TROAP: variants seen among roughly 807,000 people sequenced by gnomAD.
The protein encoded by TROAP is tastin.
TROAP carries 62 observed loss-of-function variants against 83.4 expected under a neutral mutation model. The observed-to-expected ratio is 0.74, with a 90% confidence interval of 0.61 to 0.92. The LOEUF (loss-of-function observed/expected upper bound fraction) is 0.92, where lower values mean the gene tolerates loss of function less well. TROAP is among the 40% of genes least tolerant of loss of function. The pLI is 0.00. For missense variants in TROAP, 876 were observed against 985.1 expected (o/e 0.89, Z 1.48); for synonymous variants, 352 against 386.4 (o/e 0.91, Z 1.04).
In TROAP at chr12:49,331,319, C is replaced by T; in HGVS notation, c.2204C>T (p.Ala735Val). The T allele has an allele frequency of 6.2e-7, 1 of 1,614,220 alleles. No homozygotes were observed. The highest frequency in any genetic ancestry group is 8.5e-7 in the Non-Finnish European group (1 of 1,180,040). Residue 735 changes from alanine to valine, a missense_variant, in exon 14 of 15, where the codon GCC becomes GTC. This residue lies in a region of TROAP where 184 missense variants were observed against 238.3 expected (regional missense o/e 0.77). Coordinates refer to ENST00000257909, the MANE Select transcript of TROAP (RefSeq NM_005480.4). ...GAGGCTCGTCTGGACGATGAGTGTG[C>T]CTTTTACACCAGCCGAGCCCCTCCC... ...FHEARLDDEC[A>V]FYTSRAPPSG...
rs188306973 is a variant in TROAP at position 49,328,779 on chromosome 12, G to A, written c.892-148G>A. ...CTCGGGAGGCTGAGGCAGGAGAATG[G>A]TGTGAACCCGGGATGCGGAGCTTGC... is the stretch of plus-strand genomic sequence containing the variant. On this transcript the variant is annotated intron_variant, in intron 8 of 14. Coordinates refer to ENST00000257909, the MANE Select transcript of TROAP (RefSeq NM_005480.4). The A allele has an allele frequency of 6.3e-6, 7 of 1,115,066 alleles. No individual in the cohort carries two copies. The Admixed American group carries it at 1.8e-4, about 29-fold the overall frequency. 69.1% of individuals were successfully genotyped at this position (1,115,066 alleles called of 1,614,324 possible). A position where few individuals can be genotyped will look rare whatever the true frequency, so the allele number is the denominator to read the frequency against.
chr12:49,331,024 C>T (rs1943573208), intron 13 of TROAP, 81 bp downstream of exon 13: 4 of 1,575,574 alleles, frequency 2.5e-6, no homozygotes, highest in Non-Finnish European at 3.5e-6. Flanking sequence ...TGCCCCTACC[C>T]CAGGCAATCT....
Position 49,325,514 on chromosome 12 carries a change from CAT to C in TROAP, c.353_354del (p.Ile118ArgfsTer5). On this transcript the variant is annotated frameshift_variant, in exon 4 of 15. Transcript: ENST00000257909. LOFTEE classifies it high-confidence loss of function. Reference protein sequence around the residue: ...PPAQTEAPGTIEFVADPAALA... With the variant: ...PPAQTEAPGTXEFVADPAALA... ...CTTTCCTTGCAGAGGCTCCAGGGAC[CAT>C]AGAGTTTGTGGCTGACCCTGCAGCC... 1 of 1,613,868 alleles carries C rather than the reference CAT, an allele frequency of 6.2e-7. No homozygotes were observed. Among genetic ancestry groups the C allele is most frequent in the Non-Finnish European group, 8.5e-7 (1 of 1,179,980 alleles).
chr12:49,330,877 C>T lies in TROAP; in HGVS notation c.2032C>T (p.His678Tyr), dbSNP rs565978832. The change falls in exon 13 of 15, where the codon CAC (histidine) becomes TAC (tyrosine). Residue 678 changes from histidine (H) to tyrosine (Y), a missense_variant. Around this residue, in one of 3 missense-constraint regions of TROAP, gnomAD observed 184 missense variants for 238.3 expected, o/e 0.77. Coordinates refer to ENST00000257909, the MANE Select transcript of TROAP (RefSeq NM_005480.4). ...CACCAGCCTGATCTTCTCTTCCCAACACCCGCTTTGTGCCAGCCCCCCTAT... is the reference window on the plus strand; with the variant it reads ...CACCAGCCTGATCTTCTCTTCCCAATACCCGCTTTGTGCCAGCCCCCCTAT... ...ATTSLIFSSQ[H>Y]PLCASPPICS... 2 of 1,613,066 alleles carry T rather than the reference C, an allele frequency of 1.2e-6. 1 individual carries two copies. Among genetic ancestry groups the T allele is most frequent in the South Asian group, 2.2e-5 (2 of 91,082 alleles).
In TROAP at chr12:49,330,384, G is replaced by A; in HGVS notation, c.1539G>A (p.Gln513=). The A allele has an allele frequency of 1.2e-6, 2 of 1,614,162 alleles. No individual in the cohort carries two copies. The highest frequency in any genetic ancestry group is 2.2e-5 in the South Asian group (2 of 91,086). The change falls in exon 13 of 15, where the codon CAG becomes CAA. Residue 513 remains glutamine (Q), a synonymous_variant. Transcript: ENST00000257909. ...TTCCAGAGGAGTGCGGGGAACCACAGCCCTGCCCTCCGGCAGAGCCTGGGC... is the reference window on the plus strand; with the variant it reads ...TTCCAGAGGAGTGCGGGGAACCACAACCCTGCCCTCCGGCAGAGCCTGGGC... The part of the protein sequence containing the change: ...PCLPEECGEP[Q]PCPPAEPGPP...
intron 8 of TROAP, among the ~76,000 whole-genome samples, 169 bp downstream of exon 8, chr12:49,327,499 AGACT>A (rs1240138064): frequency 6.6e-6 from 1 of 152,156 alleles, no homozygotes; most frequent in Non-Finnish European, 1.5e-5. Context: ...CTCCAATGTG[AGACT>A]GACCTCTCTT....
Position 49,330,646 on chromosome 12 carries a change from G to C in TROAP, c.1801G>C (p.Glu601Gln). The C allele has an allele frequency of 1.2e-6, 2 of 1,613,840 alleles. No homozygotes were observed. The highest frequency in any genetic ancestry group is 8.5e-7 in the Non-Finnish European group (1 of 1,179,930). The change falls in exon 13 of 15, where the codon GAG becomes CAG. Residue 601 changes from glutamate (E) to glutamine (Q), a missense_variant. By Grantham distance (29) the Glu-to-Gln change is conservative. Around this residue, in one of 3 missense-constraint regions of TROAP, gnomAD observed 184 missense variants for 238.3 expected, o/e 0.77. Coordinates refer to ENST00000257909, the MANE Select transcript of TROAP (RefSeq NM_005480.4). ...CTGTAGGATTGAGCCTGAGATACCG[G>C]AGTCCTCTCGCCAGGAACAGCTTGA... ...SYCRIEPEIP[E>Q]SSRQEQLEVP...
At chr12:49,328,807 T>C (rs1565671023) in intron 8 of TROAP, 120 bp from the exon 9 acceptor site, 46 of 1,367,186 alleles carry the variant, frequency 3.4e-5, no homozygotes, top group Non-Finnish European at 4.4e-5. Flanking sequence ...GAGCTTGCAG[T>C]GAGCCAAGAT....
chr12:49,324,406 A>G (rs879295457), intron 3 of TROAP: 9 of 482,738 alleles, frequency 1.9e-5, no homozygotes, highest in Non-Finnish European at 2.9e-5. Context: ...CCAGTTCCCC[A>G]TGTCACAATC....
intron 13 of TROAP, 121 bp from the exon 14 acceptor site, chr12:49,331,093 G>T: frequency 6.5e-7 from 1 of 1,532,546 alleles, no homozygotes; most frequent in Non-Finnish European, 8.9e-7. Context: ...AGAGGGGAGG[G>T]GCTGCACTTC....
intron 3 of TROAP, 133 bp from the exon 4 acceptor site, chr12:49,325,368 A>T: frequency 3.2e-6 from 2 of 618,372 alleles, no homozygotes; most frequent in Non-Finnish European, 2.3e-6. Context: ...CTATTTCTTA[A>T]AAAAAAAAAA....
chr12:49,324,008 ATGTGGGGCCTGGGCCCCC>A lies in TROAP; in HGVS notation c.311_328del (p.Val104_Pro109del). 1 of 1,613,856 alleles carries A rather than the reference ATGTGGGGCCTGGGCCCCC, an allele frequency of 6.2e-7. No homozygotes were observed. Among genetic ancestry groups the A allele is most frequent in the East Asian group, 2.2e-5 (1 of 44,878 alleles). On this transcript the variant is annotated inframe_deletion, in exon 3 of 15. Coordinates refer to ENST00000257909, the MANE Select transcript of TROAP (RefSeq NM_005480.4). Reference sequence around the variant, plus strand: ...CTCAGGCCTAGCCCTAGGGGTCAAAATGTGGGGCCTGGGCCCCCTGCCCAGACAGGTACCTGTTGGAGC... The same window carrying A: ...CTCAGGCCTAGCCCTAGGGGTCAAAATGCCCAGACAGGTACCTGTTGGAGC...
At chr12:49,331,089 G>A (rs1565672941) in intron 13 of TROAP, 125 bp from the exon 14 acceptor site, 1 of 1,526,388 alleles carries the variant, frequency 6.6e-7, no homozygotes, top group East Asian at 2.3e-5. Flanking sequence ...AGGAAGAGGG[G>A]AGGGGCTGCA....
intron 6 of TROAP, among the ~76,000 whole-genome samples, chr12:49,326,396 G>A (rs1459539658): frequency 6.6e-6 from 1 of 152,220 alleles, no homozygotes; most frequent in African/African-American, 2.4e-5. Context: ...AGGGAGGACA[G>A]AAATGTGCTA....
At chr12:49,328,819 G>C in intron 8 of TROAP, 108 bp from the exon 9 acceptor site, 1 of 1,423,634 alleles carries the variant, frequency 7.0e-7, no homozygotes, top group African/African-American at 1.4e-5. Flanking sequence ...AGCCAAGATC[G>C]CGCCACTGGA....
At chr12:49,325,965 AC>A in intron 5 of TROAP, 81 bp downstream of exon 5, 1 of 1,604,654 alleles carries the variant, frequency 6.2e-7, no homozygotes, top group Non-Finnish European at 8.5e-7. Context: ...GAGAAGAGGT[AC>A]CTCATGATGA....
intron 3 of TROAP, 38 bp from the exon 4 acceptor site, chr12:49,325,463 C>T: frequency 4.4e-6 from 7 of 1,600,492 alleles, no homozygotes; most frequent in Non-Finnish European, 6.0e-6. Context: ...TCCCCCTCAG[C>T]CTTCCCCCTT....
In TROAP at chr12:49,327,196, T is replaced by A. The variant is rs946552976; in HGVS notation, c.770-13T>A. On this transcript the variant is annotated splice_polypyrimidine_tract_variant and intron_variant, in intron 7 of 14. Transcript: ENST00000257909. ...GTTCTAGAGTCTACAACAAATGTCC[T>A]GTTTCTTCCTAGCTTTCTCTCTTCC... The A allele has an allele frequency of 9.9e-6, 16 of 1,613,876 alleles. No individual in the cohort carries two copies. The highest frequency in any genetic ancestry group is 1.4e-5 in the Non-Finnish European group (16 of 1,179,840).
chr12:49,325,973 A>G (rs957962813), intron 5 of TROAP, 89 bp downstream of exon 5: 130 of 1,604,848 alleles, frequency 8.1e-5, no homozygotes, highest in Admixed American at 1.3e-4. Flanking sequence ...GTACCTCATG[A>G]TGAGGCAAGG....
Sources: gnomAD v4.1 joint callset for allele counts (sites outside exome capture counted in the v4.1 genomes callset) on GRCh38, gnomAD v4.1.1 for gene constraint, gnomAD v4.1.1 regional missense constraint, MANE v1.5 for transcripts, NCBI Gene and HGNC (gene_info 2026-07-23, HGNC 2026-07-21) for gene names.